Variants in NAV3 observed in about 807,000 individuals in gnomAD.
NAV3 encodes the protein neuron navigator 3.
NAV3 carries 87 observed loss-of-function variants against 244.7 expected under a neutral mutation model. The ratio of observed to expected loss-of-function variants is 0.36; its 90% CI spans 0.30 to 0.42. The LOEUF (loss-of-function observed/expected upper bound fraction) is 0.42, where lower values mean the gene tolerates loss of function less well. Among genes scored for constraint, NAV3 ranks in the 20% least tolerant of loss-of-function variants. The pLI, the probability that NAV3 is intolerant of heterozygous loss-of-function variation, is 1.00. For missense variants in NAV3, 2,663 were observed against 2,893.3 expected (o/e 0.92, Z 1.83); for synonymous variants, 1,126 against 1,042.2 (o/e 1.08, Z -1.55).
chr12:77,620,216 G>A (rs1485390633), intron 2 of NAV3, among the ~76,000 whole-genome samples: 2 of 152,080 alleles, frequency 1.3e-5, no homozygotes, highest in Non-Finnish European at 2.9e-5. Flanking sequence ...TTGTCTCCTC[G>A]AGCCTCAGTT....
At chr12:77,879,532 G>C (rs1882329657) in intron 1 of NAV3, among the ~76,000 whole-genome samples, 2 of 151,680 alleles carry the variant, frequency 1.3e-5, no homozygotes, top group Admixed American at 6.6e-5. Context: ...AAAATTAGCT[G>C]GGTGTGGTGG....
intron 12 of NAV3, among the ~76,000 whole-genome samples, chr12:78,110,173 A>T (rs1207764324): frequency 1.3e-5 from 2 of 152,078 alleles, no homozygotes; most frequent in Non-Finnish European, 2.9e-5. Flanking sequence ...GAAAGAAATC[A>T]AGAAAGTGAT....
chr12:77,668,265 G>A (rs146276975), intron 2 of NAV3, among the ~76,000 whole-genome samples: 8 of 152,148 alleles, frequency 5.3e-5, no homozygotes, highest in East Asian at 1.9e-4. Context: ...TATCAGCAAC[G>A]GATCCAAACC....
rs1418268355 is a variant in NAV3 at position 77,708,575 on chromosome 12, T to C, written c.72+136309T>C. On this transcript the variant is annotated intron_variant, in intron 2 of 8. Transcript: ENST00000550042. ...TGGTTCCATATGAACTTTAAAGTAG[T>C]TTTTTTTCCAATTCTGTGAAGAAGG... Among the ~76,000 whole-genome samples, 4 of 151,830 alleles carry C rather than the reference T, an allele frequency of 2.6e-5. No individual in the cohort carries two copies. In the South Asian group the frequency reaches 6.3e-4, roughly 24 times the overall value.
intron 5 of NAV3, among the ~76,000 whole-genome samples, chr12:77,981,575 T>G (rs1326951023): frequency 2.6e-5 from 4 of 152,070 alleles, no homozygotes; most frequent in Non-Finnish European, 5.9e-5. Flanking sequence ...CATTAAACTT[T>G]AAAAAATATA....
intron 39 of NAV3, among the ~76,000 whole-genome samples, chr12:78,209,278 G>A (rs1468764392): frequency 1.3e-5 from 2 of 152,042 alleles, no homozygotes; most frequent in African/African-American, 2.4e-5. Context: ...TCTGTAAAGA[G>A]CACACAAGCA....
chr12:78,050,161 T>A (rs905041980), intron 10 of NAV3, 60 bp downstream of exon 10: 45 of 1,195,456 alleles, frequency 3.8e-5, no homozygotes, highest in Non-Finnish European at 5.4e-5. Context: ...CAAACAAACA[T>A]TTAACTTTTC....
In NAV3 at chr12:77,773,960, A is replaced by G. The variant is rs891995711; in HGVS notation, c.73-166359A>G. On this transcript the variant is annotated intron_variant, in intron 2 of 8. Coordinates refer to the NAV3 transcript ENST00000550042. ...TTACTTTAGTATTAATCACTATTAT[A>G]CTTTTTATTATGTGCCAAAAAATTA... is the stretch of plus-strand genomic sequence containing the variant. Among the ~76,000 whole-genome samples the G allele has an allele frequency of 4.6e-5, 7 of 152,294 alleles. No individual in the cohort carries two copies. The South Asian group carries it at 1.0e-3, about 23-fold the overall frequency.
Position 78,188,207 on chromosome 12 carries a change from C to T in NAV3, c.5791-41C>T, listed in dbSNP as rs375557120. ...AGAAAATGTAGTAATAAAAAAGATA[C>T]ACGGTTGGATTTTATCTTACTTTAT... On this transcript the variant is annotated intron_variant, in intron 31 of 39. Coordinates refer to ENST00000397909, the MANE Select transcript of NAV3 (RefSeq NM_001024383.2). The T allele has an allele frequency of 6.4e-4, 889 of 1,387,382 alleles. 5 individuals carry two copies. Among genetic ancestry groups the T allele is most frequent in the South Asian group, 5.7e-4 (48 of 83,742 alleles). The allele number at this position is 1,387,382 out of a possible 1,614,324, so 85.9% of individuals were successfully genotyped here.
At chr12:78,025,566 A>G (rs1267574456) in intron 9 of NAV3, among the ~76,000 whole-genome samples, 8 of 132,478 alleles carry the variant, frequency 6.0e-5, no homozygotes, top group Non-Finnish European at 1.1e-4. Flanking sequence ...ACTGCACTCC[A>G]GCCTGGGTGA....
chr12:77,888,852 C>T (rs769724243), intron 1 of NAV3, among the ~76,000 whole-genome samples: 15 of 152,012 alleles, frequency 9.9e-5, no homozygotes, highest in African/African-American at 2.7e-4. Context: ...TGGATAGGAC[C>T]GGTGTTCTTC....
At chr12:77,979,699 G>GA (rs982567243) in intron 5 of NAV3, among the ~76,000 whole-genome samples, 71 of 79,180 alleles carry the variant, frequency 9.0e-4, no homozygotes, top group South Asian at 3.0e-3. Context: ...GATGTGAAAC[G>GA]AAAAAAAAAA....
chr12:77,791,158 A>C (rs1225028206), intron 2 of NAV3, among the ~76,000 whole-genome samples: 8 of 152,134 alleles, frequency 5.3e-5, no homozygotes, highest in Non-Finnish European at 8.8e-5. Flanking sequence ...GTTTGAGACC[A>C]GCCTGGCCAA....
chr12:77,650,365 G>A (rs1872770758), intron 2 of NAV3, among the ~76,000 whole-genome samples: 1 of 152,134 alleles, frequency 6.6e-6, no homozygotes, highest in Non-Finnish European at 1.5e-5. Flanking sequence ...CAGTATTTAA[G>A]CCGAATCTTG....
intron 2 of NAV3, among the ~76,000 whole-genome samples, chr12:77,814,977 A>G (rs1293433963): frequency 6.6e-6 from 1 of 152,160 alleles, no homozygotes; most frequent in South Asian, 2.1e-4. Flanking sequence ...GGCACTGTTC[A>G]TGGAGGAATC....
At chr12:78,060,051 T>A (rs1394503641) in intron 12 of NAV3, among the ~76,000 whole-genome samples, 1 of 152,086 alleles carries the variant, frequency 6.6e-6, no homozygotes, top group Non-Finnish European at 1.5e-5. Flanking sequence ...ATCATCACTG[T>A]TTAAGAACAT....
chr12:77,680,199 T>C (rs1874389716), intron 2 of NAV3, among the ~76,000 whole-genome samples: 1 of 152,100 alleles, frequency 6.6e-6, no homozygotes, highest in African/African-American at 2.4e-5. Context: ...TGATAAAATT[T>C]CAGAACAGAC....
chr12:77,754,695 A>G (rs1869037952), intron 2 of NAV3, among the ~76,000 whole-genome samples: 1 of 152,174 alleles, frequency 6.6e-6, no homozygotes, highest in Non-Finnish European at 1.5e-5. Flanking sequence ...ACTTTGTGAA[A>G]ATCTTACGAA....
chr12:78,095,104 T>C (rs927636369), intron 12 of NAV3, among the ~76,000 whole-genome samples: 1 of 144,990 alleles, frequency 6.9e-6, no homozygotes, highest in African/African-American at 2.5e-5. Context: ...TATATACACA[T>C]ATATATATAC....
Sources: allele counts gnomAD v4.1 joint callset (sites outside exome capture counted in the v4.1 genomes callset), GRCh38; gene constraint gnomAD v4.1.1; transcripts MANE v1.5; gene names NCBI Gene and HGNC (gene_info 2026-07-23, HGNC 2026-07-21).